The following MAPK8 variants were observed in gnomAD, a reference collection of about 807,000 sequenced individuals.
MAPK8 encodes mitogen-activated protein kinase 8.
In MAPK8, 13 loss-of-function variants were observed where a neutral mutation model predicts 52.9. That is an observed-to-expected ratio of 0.25 (90% CI 0.16 to 0.39). The LOEUF (loss-of-function observed/expected upper bound fraction) is 0.39, where lower values mean the gene tolerates loss of function less well. Ranked by LOEUF, MAPK8 falls within the 10% of genes least tolerant of loss-of-function variation. MAPK8 has a pLI of 1.00. For synonymous variants in MAPK8, 191 were observed against 169.8 expected (o/e 1.12, Z -0.97); for missense variants, 300 against 519.2 (o/e 0.58, Z 4.10).
intron 1 of MAPK8, among the ~76,000 whole-genome samples, chr10:48,377,778 AC>A (rs1181410035): frequency 6.6e-6 from 1 of 152,180 alleles, no homozygotes; most frequent in Non-Finnish European, 1.5e-5. Flanking sequence ...AAATAAATAA[AC>A]TAAATTGTTT....
chr10:48,401,917 ATT>A, intron 2 of MAPK8, 135 bp downstream of exon 2: 1 of 634,084 alleles, frequency 1.6e-6, no homozygotes, highest in Non-Finnish European at 2.4e-6. Flanking sequence ...AACGAAAACT[ATT>A]CCACAGTAAA....
chr10:48,415,071 T>C (rs1290786972), intron 5 of MAPK8, among the ~76,000 whole-genome samples: 2 of 152,196 alleles, frequency 1.3e-5, no homozygotes, highest in African/African-American at 4.8e-5. Context: ...TCCTTAATTA[T>C]CATTGTAAGT....
chr10:48,429,630 A>G (rs1158553989), intron 10 of MAPK8, among the ~76,000 whole-genome samples: 1 of 152,194 alleles, frequency 6.6e-6, no homozygotes. Context: ...AAATCCTCTT[A>G]CTGCAAATGT....
At position 48,384,335 on chromosome 10, in the gene MAPK8, C is replaced by T. The variant is rs533113905; in HGVS notation, c.-49-17277C>T. Among the ~76,000 whole-genome samples, 3 of 152,308 alleles carry T rather than the reference C, an allele frequency of 2.0e-5. No individual in the cohort carries two copies. The South Asian group carries it at 6.2e-4, about 32-fold the overall frequency. ...AGCCAATGGTAAGTTTCTAGTGACT[C>T]AGCACTCCCTCTCCAGGTACAGTGA... On this transcript the variant is annotated intron_variant, in intron 1 of 11. Transcript: ENST00000374189.
intron 1 of MAPK8, among the ~76,000 whole-genome samples, chr10:48,316,864 A>G (rs1842551237): frequency 6.6e-6 from 1 of 152,208 alleles, no homozygotes; most frequent in Admixed American, 6.5e-5. Context: ...TGAAGGACGC[A>G]TACATCGTTA....
chr10:48,336,314 T>C (rs992034557), intron 1 of MAPK8, among the ~76,000 whole-genome samples: 3 of 152,088 alleles, frequency 2.0e-5, no homozygotes, highest in African/African-American at 7.2e-5. Flanking sequence ...TTTTAAAAAA[T>C]ATTCATTGCC....
intron 1 of MAPK8, among the ~76,000 whole-genome samples, chr10:48,309,534 T>C (rs924389030): frequency 1.3e-5 from 2 of 152,228 alleles, no homozygotes; most frequent in Admixed American, 6.5e-5. Context: ...GAATAAATTG[T>C]ATACAAATTA....
At chr10:48,385,783 G>A (rs191390331) in intron 1 of MAPK8, among the ~76,000 whole-genome samples, 3 of 151,952 alleles carry the variant, frequency 2.0e-5, no homozygotes, top group African/African-American at 7.3e-5. Context: ...GTCATATTTG[G>A]TTATCATAAT....
chr10:48,364,730 T>C (rs772242808), intron 1 of MAPK8, among the ~76,000 whole-genome samples: 58 of 152,210 alleles, frequency 3.8e-4, no homozygotes, highest in Admixed American at 7.2e-4. Flanking sequence ...AAAATAATTA[T>C]TTTCTGAAAT....
intron 7 of MAPK8, chr10:48,425,465 A>T (rs2043621910): frequency 2.4e-6 from 1 of 410,884 alleles, no homozygotes; most frequent in African/African-American, 2.1e-5. Flanking sequence ...GTAAAACAGG[A>T]TGTGTTCTAG....
At chr10:48,353,573 C>T (rs1331225887) in intron 1 of MAPK8, among the ~76,000 whole-genome samples, 1 of 152,126 alleles carries the variant, frequency 6.6e-6, no homozygotes, top group Non-Finnish European at 1.5e-5. Context: ...CAAAAATTAA[C>T]TGCAAGTGGA....
At chr10:48,382,851 G>GTA (rs1361696492) in intron 1 of MAPK8, among the ~76,000 whole-genome samples, 3 of 144,868 alleles carry the variant, frequency 2.1e-5, no homozygotes, top group East Asian at 3.9e-4. Flanking sequence ...ACAGCTGTGT[G>GTA]TATATATACA....
At chr10:48,411,401 C>G (rs1032507192) in intron 5 of MAPK8, among the ~76,000 whole-genome samples, 16 of 152,160 alleles carry the variant, frequency 1.1e-4, no homozygotes, top group Non-Finnish European at 1.5e-4. Flanking sequence ...CTTGGCACCC[C>G]TGTCAAAAAA....
At chr10:48,371,955 A>G (rs1016883144) in intron 1 of MAPK8, among the ~76,000 whole-genome samples, 1 of 152,114 alleles carries the variant, frequency 6.6e-6, no homozygotes, top group Non-Finnish European at 1.5e-5. Context: ...GATGCATAAC[A>G]CAAGGCGTGG....
chr10:48,408,257 A>G (rs1803596660), intron 3 of MAPK8, among the ~76,000 whole-genome samples: 1 of 152,198 alleles, frequency 6.6e-6, no homozygotes, highest in African/African-American at 2.4e-5. Context: ...TCTCTGTGGT[A>G]GGGATGAGGC....
Position 48,332,035 on chromosome 10 carries a change from C to A in MAPK8, c.-50+25214C>A, listed in dbSNP as rs530382453. ...AATTTGTAAACCTTCCATAATTCCC[C>A]TTAACACCCTTGAGATAAAGTGGCT... On this transcript the variant is annotated intron_variant, in intron 1 of 11. Transcript: ENST00000374189. Among the ~76,000 whole-genome samples, 37 of 152,292 alleles carry A rather than the reference C, an allele frequency of 2.4e-4. 2 individuals carry two copies. The South Asian group carries it at 7.3e-3, about 30-fold the overall frequency.
chr10:48,356,841 C>CAAAAAAAAAAAAA (rs869186711), intron 1 of MAPK8, among the ~76,000 whole-genome samples: 6 of 30,278 alleles, frequency 2.0e-4, no homozygotes, highest in Non-Finnish European at 4.0e-4. Context: ...GACTCCGTCT[C>CAAAAAAAAAAAAA]AAAAAAAAAA....
At chr10:48,396,098 C>T (rs956538591) in intron 1 of MAPK8, among the ~76,000 whole-genome samples, 3 of 152,018 alleles carry the variant, frequency 2.0e-5, no homozygotes, top group East Asian at 1.9e-4. Flanking sequence ...AAAATAATGA[C>T]TTGGGCTTCA....
chr10:48,332,706 G>T lies in MAPK8; in HGVS notation c.-50+25885G>T, dbSNP rs116895094. Among the ~76,000 whole-genome samples, 60 of 152,292 alleles carry T rather than the reference G, an allele frequency of 3.9e-4. No homozygotes were observed. The East Asian group carries it at 8.5e-3, about 22-fold the overall frequency. ...TTCCCTTTCTGAAAACCATTTACAT[G>T]AACTATGGCTACCTCTGCTGGAAGC... is the stretch of plus-strand genomic sequence containing the variant. On this transcript the variant is annotated intron_variant, in intron 1 of 11. Coordinates refer to ENST00000374189, the MANE Select transcript of MAPK8 (RefSeq NM_001323329.2).
Sources: gnomAD v4.1 joint callset for allele counts (sites outside exome capture counted in the v4.1 genomes callset) on GRCh38, gnomAD v4.1.1 for gene constraint, MANE v1.5 for transcripts, NCBI Gene and HGNC (gene_info 2026-07-23, HGNC 2026-07-21) for gene names.